MYRIP: variants seen among roughly 807,000 people sequenced by gnomAD.
MYRIP encodes the protein rab effector MyRIP.
A neutral mutation model predicts 98.0 loss-of-function variants in MYRIP; 49 were observed. The ratio of observed to expected loss-of-function variants is 0.50; its 90% CI spans 0.40 to 0.63. The LOEUF is 0.63. Among genes scored for constraint, MYRIP ranks in the 30% least tolerant of loss-of-function variants. MYRIP has a pLI of 0.00. For missense variants in MYRIP, 1,004 were observed against 1,058.2 expected (o/e 0.95, Z 0.71); for synonymous variants, 404 against 409.5 (o/e 0.99, Z 0.16).
chr3:39,995,481 T>C (rs1443982989), intron 2 of MYRIP, among the ~76,000 whole-genome samples: 4 of 152,010 alleles, frequency 2.6e-5, no homozygotes, highest in African/African-American at 7.3e-5. Flanking sequence ...AAGAGAACTT[T>C]AGAGAAAAAA....
chr3:39,959,490 A>G (rs1347902660), intron 2 of MYRIP, among the ~76,000 whole-genome samples: 1 of 152,088 alleles, frequency 6.6e-6, no homozygotes, highest in African/African-American at 2.4e-5. Context: ...ACTTGGACAC[A>G]GGGTGGGGAA....
chr3:39,957,908 A>G (rs1230775898), intron 2 of MYRIP, among the ~76,000 whole-genome samples: 1 of 152,228 alleles, frequency 6.6e-6, no homozygotes, highest in Non-Finnish European at 1.5e-5. Context: ...GAGCCAAATC[A>G]TGAGTGAACT....
chr3:40,192,292 C>A (rs920480072), intron 10 of MYRIP, among the ~76,000 whole-genome samples: 1 of 13,118 alleles, frequency 7.6e-5, no homozygotes, highest in South Asian at 2.9e-3. Flanking sequence ...TCATTTACTG[C>A]GGCAGTTAGT....
intron 3 of MYRIP, chr3:40,071,056 G>C (rs1948214952): frequency 1.2e-6 from 1 of 807,030 alleles, no homozygotes; most frequent in South Asian, 5.6e-5. Flanking sequence ...AAAGCAAGAT[G>C]CATTTGCCTT....
rs528849412 is a variant in MYRIP at position 39,848,108 on chromosome 3, G to C, written c.-31+38192G>C. On this transcript the variant is annotated intron_variant, in intron 1 of 16. Transcript: ENST00000302541. ...AAATGAGCAGCCTTCTAGTGTTATA[G>C]ACGCCAGACTGTGAGTCCCAGCTGA... Among the ~76,000 whole-genome samples the C allele has an allele frequency of 3.3e-5, 5 of 152,310 alleles. No individual in the cohort carries two copies. In the East Asian group the frequency reaches 7.7e-4, roughly 24 times the overall value.
Position 40,204,042 on chromosome 3 carries a change from TATATA to T in MYRIP, c.1666-5806_1666-5802del, listed in dbSNP as rs1951691367. On this transcript the variant is annotated intron_variant, in intron 10 of 16. Coordinates refer to ENST00000302541, the MANE Select transcript of MYRIP (RefSeq NM_015460.4). Reference sequence around the variant, plus strand: ...TATATATTATATATATTATATATTATATATAATATATTTATATATAATAAATATTA... The same window carrying T: ...TATATATTATATATATTATATATTATATATATTTATATATAATAAATATTA... Among the ~76,000 whole-genome samples the T allele has an allele frequency of 3.3e-4, 2 of 6,016 alleles. 1 individual carries two copies. The highest frequency in any genetic ancestry group is 8.3e-4 in the African/African-American group (2 of 2,396). The allele number at this position is 6,016 out of a possible 152,430, so 3.9% of individuals were successfully genotyped here.
intron 3 of MYRIP, among the ~76,000 whole-genome samples, chr3:40,125,950 C>T (rs1949518094): frequency 6.6e-6 from 1 of 152,190 alleles, no homozygotes; most frequent in Admixed American, 6.5e-5. Context: ...CTGTTCTCTT[C>T]CATCCAGATT....
chr3:40,156,311 G>C (rs866296795), intron 4 of MYRIP, among the ~76,000 whole-genome samples: 1 of 151,986 alleles, frequency 6.6e-6, no homozygotes. Context: ...GTAGATATGC[G>C]GCATTATTTC....
intron 2 of MYRIP, among the ~76,000 whole-genome samples, chr3:40,012,969 CT>C (rs1418018292): frequency 6.6e-6 from 1 of 152,222 alleles, no homozygotes; most frequent in African/African-American, 2.4e-5. Flanking sequence ...CATTCCACTC[CT>C]CTTCCTTCAC....
chr3:40,104,996 C>G (rs557136322), intron 3 of MYRIP, among the ~76,000 whole-genome samples: 42 of 152,032 alleles, frequency 2.8e-4, no homozygotes, highest in Non-Finnish European at 4.4e-4. Flanking sequence ...TTAACTGTTT[C>G]ACTGATTTTC....
chr3:39,901,027 T>G, intron 2 of MYRIP, 101 bp downstream of exon 2: 1 of 793,528 alleles, frequency 1.3e-6, no homozygotes, highest in Non-Finnish European at 2.1e-6. Context: ...TGAGTTTGGA[T>G]ATACACTTAT....
chr3:39,894,583 A>G (rs1575354270), intron 1 of MYRIP, among the ~76,000 whole-genome samples: 1 of 152,102 alleles, frequency 6.6e-6, no homozygotes, highest in African/African-American at 2.4e-5. Flanking sequence ...GTATTATTGT[A>G]TTATTTTGGT....
intron 11 of MYRIP, among the ~76,000 whole-genome samples, chr3:40,233,411 A>G (rs1025619802): frequency 1.3e-5 from 2 of 152,208 alleles, no homozygotes; most frequent in Non-Finnish European, 2.9e-5. Context: ...CCAAGGTCCC[A>G]TAACTGGGTG....
chr3:40,202,320 T>G (rs1575624460), intron 10 of MYRIP, among the ~76,000 whole-genome samples: 1 of 152,150 alleles, frequency 6.6e-6, no homozygotes, highest in South Asian at 2.1e-4. Context: ...AGGTGAAAGA[T>G]AGCCTCTATG....
chr3:40,259,712 T>A lies in MYRIP; in HGVS notation c.*1546T>A, dbSNP rs1953709458. ...ACATTAATCTTCCAGTACTCCTTGC[T>A]GATGCTGTGTTATGTGTCATCTAAC... On this transcript the variant is annotated 3_prime_UTR_variant, in exon 17 of 17. Coordinates refer to ENST00000302541, the MANE Select transcript of MYRIP (RefSeq NM_015460.4). 1 of 152,450 alleles carries A rather than the reference T, an allele frequency of 6.6e-6. No individual in the cohort carries two copies. The allele number at this position is 152,450 out of a possible 1,614,324, so 9.4% of individuals were successfully genotyped here.
intron 1 of MYRIP, among the ~76,000 whole-genome samples, chr3:39,877,358 C>T (rs1365381293): frequency 2.0e-5 from 3 of 152,220 alleles, no homozygotes; most frequent in Admixed American, 6.5e-5. Context: ...AGTCATTCTC[C>T]GTCCAGCTTT....
intron 2 of MYRIP, among the ~76,000 whole-genome samples, chr3:40,023,626 C>G (rs959848113): frequency 6.6e-6 from 1 of 152,158 alleles, no homozygotes; most frequent in African/African-American, 2.4e-5. Flanking sequence ...AATGACGTCT[C>G]CCTTCCACCT....
rs1356760345 is a variant in MYRIP at position 40,169,943 on chromosome 3, T to C, written c.730-7T>C. 1 of 1,614,082 alleles carries C rather than the reference T, an allele frequency of 6.2e-7. No homozygotes were observed. On this transcript the variant is annotated splice_polypyrimidine_tract_variant and splice_region_variant and intron_variant, in intron 7 of 16. Transcript: ENST00000302541. ...AACTTGCCCCTTTTTTGTCCTCCCCTCCCCAGATTATACGAAAACAGAAGA... is the reference window on the plus strand; with the variant it reads ...AACTTGCCCCTTTTTTGTCCTCCCCCCCCCAGATTATACGAAAACAGAAGA...
At chr3:39,980,140 T>G (rs1400820834) in intron 2 of MYRIP, among the ~76,000 whole-genome samples, 1 of 140,672 alleles carries the variant, frequency 7.1e-6, no homozygotes, top group Non-Finnish European at 1.5e-5. Context: ...CGGGTACATA[T>G]GACTTATTGT....
Sources: allele counts gnomAD v4.1 joint callset (sites outside exome capture counted in the v4.1 genomes callset), GRCh38; gene constraint gnomAD v4.1.1; transcripts MANE v1.5; gene names NCBI Gene and HGNC (gene_info 2026-07-23, HGNC 2026-07-21).